CNOT4: variants seen among roughly 807,000 people sequenced by gnomAD.
CNOT4 encodes the protein CCR4-associated factor 4.
Under a neutral mutation model 73.8 loss-of-function variants are expected in CNOT4, and 8 were observed. The ratio of observed to expected loss-of-function variants is 0.11; its 90% CI spans 0.06 to 0.20. The LOEUF is 0.20. Among genes scored for constraint, CNOT4 ranks in the 10% least tolerant of loss-of-function variants. The pLI, the probability that CNOT4 is intolerant of heterozygous loss-of-function variation, is 1.00. For missense variants in CNOT4, 564 were observed against 883.4 expected (o/e 0.64, Z 4.58); for synonymous variants, 293 against 321.1 (o/e 0.91, Z 0.94).
chr7:135,480,241 T>C (rs1356202185), intron 1 of CNOT4, among the ~76,000 whole-genome samples: 3 of 152,248 alleles, frequency 2.0e-5, no homozygotes, highest in Non-Finnish European at 4.4e-5. Flanking sequence ...TTCTTGTCAC[T>C]GGTCCACTAA....
chr7:135,501,594 T>C (rs373180957), intron 1 of CNOT4, among the ~76,000 whole-genome samples: 29 of 152,330 alleles, frequency 1.9e-4, no homozygotes, highest in African/African-American at 3.8e-4. Flanking sequence ...CTGCACACTA[T>C]TGAACGAGTA....
intron 1 of CNOT4, among the ~76,000 whole-genome samples, chr7:135,480,761 A>G (rs1050466478): frequency 6.6e-6 from 1 of 152,190 alleles, no homozygotes; most frequent in Non-Finnish European, 1.5e-5. Context: ...TTCCTAAATC[A>G]TATATATCCA....
chr7:135,461,479 C>A (rs370778414), intron 1 of CNOT4, among the ~76,000 whole-genome samples: 5 of 152,054 alleles, frequency 3.3e-5, no homozygotes, highest in African/African-American at 1.2e-4. Context: ...ATATCATCAT[C>A]GAATTGTCCT....
intron 1 of CNOT4, among the ~76,000 whole-genome samples, chr7:135,490,413 A>G (rs952612555): frequency 6.6e-6 from 1 of 152,240 alleles, no homozygotes; most frequent in Admixed American, 6.5e-5. Flanking sequence ...GTTGGAGGAA[A>G]ACAAGGGTGC....
intron 1 of CNOT4, among the ~76,000 whole-genome samples, chr7:135,504,190 T>C (rs112219316): frequency 0.019 from 2,834 of 152,274 alleles, 95 homozygotes; most frequent in African/African-American, 0.065. Context: ...TAAGAAATGC[T>C]CCACCCCTTT....
At chr7:135,465,317 A>G (rs1227673414) in intron 1 of CNOT4, among the ~76,000 whole-genome samples, 1 of 152,160 alleles carries the variant, frequency 6.6e-6, no homozygotes, top group Non-Finnish European at 1.5e-5. Flanking sequence ...GTGTATATAC[A>G]CGCTGACTGC....
At chr7:135,374,911 T>C (rs192317462) in intron 10 of CNOT4, among the ~76,000 whole-genome samples, 1 of 152,304 alleles carries the variant, frequency 6.6e-6, no homozygotes, top group East Asian at 1.9e-4. Flanking sequence ...AGGCTTATGA[T>C]ACTTGGTCTG....
intron 7 of CNOT4, among the ~76,000 whole-genome samples, chr7:135,399,353 G>T (rs1796882158): frequency 1.3e-5 from 2 of 152,048 alleles, no homozygotes; most frequent in African/African-American, 4.8e-5. Context: ...GCATGTTACT[G>T]TTTTGAATAC....
chr7:135,394,900 C>T (rs995291650), intron 9 of CNOT4, among the ~76,000 whole-genome samples: 2 of 151,954 alleles, frequency 1.3e-5, no homozygotes, highest in Non-Finnish European at 2.9e-5. Flanking sequence ...TCCACAGGTG[C>T]TGTTGTCAAT....
intron 1 of CNOT4, among the ~76,000 whole-genome samples, chr7:135,453,989 C>CATATATATATATAT (rs371504271): frequency 5.4e-4 from 73 of 133,986 alleles, no homozygotes; most frequent in African/African-American, 1.9e-3. Flanking sequence ...AATATATATA[C>CATATATATATATAT]ATATATATAT....
At chr7:135,435,477 T>C (rs1378848624) in intron 2 of CNOT4, among the ~76,000 whole-genome samples, 6 of 152,212 alleles carry the variant, frequency 3.9e-5, no homozygotes, top group Non-Finnish European at 7.4e-5. Flanking sequence ...TTTCAGGCCA[T>C]CTATAAGATT....
intron 2 of CNOT4, among the ~76,000 whole-genome samples, chr7:135,433,227 C>A (rs1183364371): frequency 6.6e-6 from 1 of 152,002 alleles, no homozygotes; most frequent in African/African-American, 2.4e-5. Flanking sequence ...CTTTTTGTTT[C>A]ACTAAAAGAT....
In CNOT4 at chr7:135,414,700, T is replaced by C. The variant is rs1196587591; in HGVS notation, c.460-268A>G. ...GCTTGGGATTTATTTTTTTAGACAG[T>C]CATTTGACAGGCTCGTCAAGGTTAT... On this transcript the variant is annotated intron_variant, in intron 4 of 11. Transcript: ENST00000541284. Among the ~76,000 whole-genome samples the C allele has an allele frequency of 2.0e-5, 3 of 152,208 alleles. No homozygotes were observed. The East Asian group carries it at 5.8e-4, about 29-fold the overall frequency.
At chr7:135,472,122 G>A (rs1356141018) in intron 1 of CNOT4, among the ~76,000 whole-genome samples, 2 of 151,718 alleles carry the variant, frequency 1.3e-5, no homozygotes, top group African/African-American at 2.4e-5. Context: ...GCAGTGAGCT[G>A]AGATCACACC....
chr7:135,426,315 T>C lies in CNOT4; in HGVS notation c.175-3962A>G, dbSNP rs117153779. Among the ~76,000 whole-genome samples the C allele has an allele frequency of 2.4e-3, 357 of 151,688 alleles. 12 individuals carry two copies. In the East Asian group the frequency reaches 0.054, roughly 23 times the overall value. On this transcript the variant is annotated intron_variant, in intron 2 of 11. Transcript: ENST00000541284. ...CACTAAAAATGGATATAAAGAAAAA[T>C]ACAAAGGCTGGGCACGGTGGCTCAC... is the stretch of plus-strand genomic sequence containing the variant.
At chr7:135,492,254 TAA>T (rs1803159383) in intron 1 of CNOT4, among the ~76,000 whole-genome samples, 2 of 152,154 alleles carry the variant, frequency 1.3e-5, no homozygotes, top group African/African-American at 4.8e-5. Context: ...ACCATGAATT[TAA>T]AGTGAGGGCA....
intron 1 of CNOT4, among the ~76,000 whole-genome samples, chr7:135,459,567 G>A (rs917887195): frequency 6.6e-6 from 1 of 152,154 alleles, no homozygotes; most frequent in African/African-American, 2.4e-5. Flanking sequence ...AGTATCCTTG[G>A]AGGACTTGCT....
At chr7:135,374,023 G>C (rs1023385018) in intron 10 of CNOT4, among the ~76,000 whole-genome samples, 1 of 152,194 alleles carries the variant, frequency 6.6e-6, no homozygotes, top group African/African-American at 2.4e-5. Context: ...GTAGCATTTT[G>C]ACTAGAACTC....
intron 1 of CNOT4, among the ~76,000 whole-genome samples, chr7:135,452,132 C>A (rs7792458): frequency 6.6e-6 from 1 of 151,762 alleles, no homozygotes. Flanking sequence ...CCAGCTACTG[C>A]GGAGGCTGAG....
Sources: gnomAD v4.1 joint callset for allele counts (sites outside exome capture counted in the v4.1 genomes callset) on GRCh38, gnomAD v4.1.1 for gene constraint, MANE v1.5 for transcripts, NCBI Gene and HGNC (gene_info 2026-07-23, HGNC 2026-07-21) for gene names.